Variants in XKR4 observed in about 807,000 individuals in gnomAD.
XKR4 encodes XK related 4, also known as XK-related protein 4.
A neutral mutation model predicts 53.9 loss-of-function variants in XKR4; 12 were observed. That is an observed-to-expected ratio of 0.22 (90% CI 0.14 to 0.36). XKR4 has a LOEUF of 0.36. Among genes scored for constraint, XKR4 ranks in the 10% least tolerant of loss-of-function variants. The probability of loss-of-function intolerance (pLI) is 1.00; values close to 1 mark genes in which losing one functional copy is unlikely to be tolerated. For synonymous variants in XKR4, 354 were observed against 362.4 expected (o/e 0.98, Z 0.26); for missense variants, 799 against 859.5 (o/e 0.93, Z 0.88).
chr8:55,386,310 C>G (rs912172908), intron 2 of XKR4, among the ~76,000 whole-genome samples: 1 of 152,232 alleles, frequency 6.6e-6, no homozygotes, highest in Non-Finnish European at 1.5e-5. Flanking sequence ...ACACGGGATG[C>G]AGCAAGCCTG....
chr8:55,166,437 A>G (rs1007289117), intron 1 of XKR4, among the ~76,000 whole-genome samples: 1 of 152,228 alleles, frequency 6.6e-6, no homozygotes, highest in Non-Finnish European at 1.5e-5. Flanking sequence ...TTAAGCACCT[A>G]CTATGTGTCA....
At chr8:55,227,078 G>T (rs1432595371) in intron 1 of XKR4, among the ~76,000 whole-genome samples, 1 of 152,170 alleles carries the variant, frequency 6.6e-6, no homozygotes, top group Non-Finnish European at 1.5e-5. Context: ...CCTTGTGTGT[G>T]GTGGCAACCC....
intron 1 of XKR4, among the ~76,000 whole-genome samples, chr8:55,277,521 A>G (rs1818781000): frequency 6.6e-6 from 1 of 152,192 alleles, no homozygotes; most frequent in African/African-American, 2.4e-5. Context: ...CTTTATGTAC[A>G]CCTTATACAC....
intron 1 of XKR4, among the ~76,000 whole-genome samples, chr8:55,110,446 G>T (rs1816215140): frequency 6.6e-6 from 1 of 152,142 alleles, no homozygotes; most frequent in South Asian, 2.1e-4. Context: ...TCTGTGAATA[G>T]AACCCAGGCA....
At chr8:55,334,988 G>A (rs923164421) in intron 1 of XKR4, among the ~76,000 whole-genome samples, 2 of 152,140 alleles carry the variant, frequency 1.3e-5, no homozygotes, top group Non-Finnish European at 2.9e-5. Flanking sequence ...GGATAGCAGT[G>A]TACAAGAAAA....
intron 2 of XKR4, among the ~76,000 whole-genome samples, chr8:55,368,207 C>T (rs1185220982): frequency 2.0e-5 from 3 of 152,074 alleles, no homozygotes; most frequent in East Asian, 3.9e-4. Context: ...GTGATCCACC[C>T]GCCTCCCAAA....
At chr8:55,235,109 T>C (rs1330682524) in intron 1 of XKR4, among the ~76,000 whole-genome samples, 2 of 152,238 alleles carry the variant, frequency 1.3e-5, no homozygotes, top group African/African-American at 4.8e-5. Context: ...ATCTGTTCCA[T>C]GCTTTGCTCC....
chr8:55,371,677 C>A (rs1804071920), intron 2 of XKR4, among the ~76,000 whole-genome samples: 1 of 152,138 alleles, frequency 6.6e-6, no homozygotes, highest in Admixed American at 6.6e-5. Flanking sequence ...AAAGTACTGG[C>A]AGAATAAATG....
chr8:55,470,076 G>A (rs929171685), intron 2 of XKR4, among the ~76,000 whole-genome samples: 2 of 152,056 alleles, frequency 1.3e-5, no homozygotes, highest in African/African-American at 4.8e-5. Flanking sequence ...GATGTAATGG[G>A]GGAAAGTAAA....
chr8:55,446,058 A>C (rs1441510415), intron 2 of XKR4, among the ~76,000 whole-genome samples: 1 of 152,066 alleles, frequency 6.6e-6, no homozygotes, highest in Non-Finnish European at 1.5e-5. Flanking sequence ...ACTGTTCCCA[A>C]CCTGTAGCCT....
chr8:55,263,402 A>T (rs899218686), intron 1 of XKR4, among the ~76,000 whole-genome samples: 9 of 152,206 alleles, frequency 5.9e-5, no homozygotes, highest in South Asian at 4.2e-4. Flanking sequence ...TCTTTGTGTG[A>T]TCTGATGCCA....
chr8:55,507,522 C>A (rs1471784267), intron 2 of XKR4, among the ~76,000 whole-genome samples: 1 of 152,114 alleles, frequency 6.6e-6, no homozygotes, highest in South Asian at 2.1e-4. Context: ...CTACAACAGG[C>A]CCCAATGTGT....
chr8:55,322,399 T>G (rs1803229336), intron 1 of XKR4, among the ~76,000 whole-genome samples: 1 of 152,240 alleles, frequency 6.6e-6, no homozygotes. Flanking sequence ...AAAATTTTCC[T>G]GTTTCAAGTC....
rs189497203 is a variant in XKR4 at position 55,165,729 on chromosome 8, C to T, written c.806+62435C>T. Among the ~76,000 whole-genome samples the T allele has an allele frequency of 1.6e-3, 242 of 148,932 alleles. 2 individuals carry two copies. Among genetic ancestry groups the T allele is most frequent in the African/African-American group, 5.7e-3 (229 of 40,222 alleles). On this transcript the variant is annotated intron_variant, in intron 1 of 2. Coordinates refer to ENST00000327381, the MANE Select transcript of XKR4 (RefSeq NM_052898.2). ...CTGAGGGAGGAGAATGGTGTGAATC[C>T]GGGAGGCGGAGCTTGCAGTGAGCCG...
chr8:55,384,527 G>T (rs768105620), intron 2 of XKR4, among the ~76,000 whole-genome samples: 1 of 152,268 alleles, frequency 6.6e-6, no homozygotes, highest in Non-Finnish European at 1.5e-5. Context: ...ATAGCCAAAC[G>T]TTAGATTGAG....
intron 2 of XKR4, chr8:55,449,812 G>A: frequency 8.3e-7 from 1 of 1,204,212 alleles, no homozygotes; most frequent in Non-Finnish European, 1.2e-6. Context: ...CCCCCTTCTT[G>A]TACAGAGTGC....
intron 1 of XKR4, among the ~76,000 whole-genome samples, chr8:55,214,027 A>G (rs544974980): frequency 6.6e-6 from 1 of 151,828 alleles, no homozygotes; most frequent in African/African-American, 2.4e-5. Flanking sequence ...ACACCTGGCT[A>G]ATTTTTGTAT....
At chr8:55,372,515 A>G (rs1417906788) in intron 2 of XKR4, among the ~76,000 whole-genome samples, 1 of 152,120 alleles carries the variant, frequency 6.6e-6, no homozygotes. Context: ...AAAAAATTCA[A>G]AAGTGTTTTA....
At chr8:55,369,486 G>A (rs1302830203) in intron 2 of XKR4, among the ~76,000 whole-genome samples, 1 of 125,286 alleles carries the variant, frequency 8.0e-6, no homozygotes, top group Admixed American at 9.0e-5. Flanking sequence ...AGGACAGAGA[G>A]AGAGAAAGAA....
Sources: allele counts gnomAD v4.1 joint callset (sites outside exome capture counted in the v4.1 genomes callset), GRCh38; gene constraint gnomAD v4.1.1; transcripts MANE v1.5; gene names NCBI Gene and HGNC (gene_info 2026-07-23, HGNC 2026-07-21).